KLK6: variants seen among roughly 807,000 people sequenced by gnomAD.
KLK6 encodes the protein kallikrein-6.
A neutral mutation model predicts 21.7 loss-of-function variants in KLK6; 16 were observed. The ratio of observed to expected loss-of-function variants is 0.74; its 90% CI spans 0.50 to 1.12. The LOEUF (loss-of-function observed/expected upper bound fraction) is 1.12, where lower values mean the gene tolerates loss of function less well. Ranked by LOEUF, KLK6 falls within the 50% of genes most tolerant of loss-of-function variation. KLK6 has a pLI of 0.00. For synonymous variants in KLK6, 116 were observed against 120.1 expected (o/e 0.97, Z 0.22); for missense variants, 276 against 304.6 (o/e 0.91, Z 0.70).
At position 50,968,886 on chromosome 19, in the gene KLK6, C is replaced by T. The variant is rs551206066; in HGVS notation, c.-59-295G>A. 17 of 153,892 alleles carry T rather than the reference C, an allele frequency of 1.1e-4. No homozygotes were observed. In the South Asian group the frequency reaches 1.5e-3, roughly 14 times the overall value. The allele number at this position is 153,892 out of a possible 1,614,324, so 9.5% of individuals were successfully genotyped here. ...CCCACACACATTCCTCCCGCCCCCA[C>T]GCTCTGCTCTTGGTGACCCCTGACC... On this transcript the variant is annotated intron_variant, in intron 1 of 6. Transcript: ENST00000310157.
chr19:50,965,346 G>A (rs542446307), intron 4 of KLK6, among the ~76,000 whole-genome samples: 7 of 151,158 alleles, frequency 4.6e-5, no homozygotes, highest in South Asian at 4.2e-4. Flanking sequence ...GTGCAGTGGC[G>A]CGATCTCGGC....
chr19:50,968,290 AG>A, intron 2 of KLK6, 178 bp from the exon 3 acceptor site: 1 of 662,888 alleles, frequency 1.5e-6, no homozygotes, highest in Non-Finnish European at 2.8e-6. Context: ...CTTCCATCAG[AG>A]GATCCCACGA....
At chr19:50,968,291 G>A in intron 2 of KLK6, 179 bp from the exon 3 acceptor site, 1 of 660,676 alleles carries the variant, frequency 1.5e-6, no homozygotes, top group Non-Finnish European at 2.8e-6. Flanking sequence ...TTCCATCAGA[G>A]GATCCCACGA....
At chr19:50,962,263 C>T (rs1028008449) in intron 5 of KLK6, 3 of 187,116 alleles carry the variant, frequency 1.6e-5, no homozygotes, top group African/African-American at 7.1e-5. Flanking sequence ...TCTACTGTAC[C>T]CCTCCTGATC....
At position 50,963,502 on chromosome 19, in the gene KLK6, C is replaced by A. The variant is rs1408765105; in HGVS notation, c.245G>T (p.Ser82Ile). The part of the protein sequence containing the change: ...LGKHNLRQRE[S>I]SQEQSSVVRA... ...GACAACAGAACTCTGCTCCTGGGAA[C>A]TCTCCCTTTGCCGAAGGTTATGCTT... The change falls in exon 5 of 7, where the codon AGT becomes ATT. Residue 82 changes from serine (S) to isoleucine (I), a missense_variant. Coordinates refer to ENST00000310157, the MANE Select transcript of KLK6 (RefSeq NM_002774.4). The A allele has an allele frequency of 6.2e-7, 1 of 1,614,178 alleles. No homozygotes were observed. Among genetic ancestry groups the A allele is most frequent in the South Asian group, 1.1e-5 (1 of 91,076 alleles).
rs1329973433 is a variant in KLK6 at position 50,968,090 on chromosome 19, C to T, written c.15G>A (p.Met5Ile). MKKL[M>I]VVLSLIAAAW... ...CTGCAGCAATCAGACTCAGCACCAC[C>T]ATCAGCTTCTTCATGGCCGCTCCTG... The change falls in exon 3 of 7, where the codon ATG (methionine) becomes ATA (isoleucine). Residue 5 changes from methionine (M) to isoleucine (I), a missense_variant. By Grantham distance (10) the Met-to-Ile change is conservative (BLOSUM62 1). Transcript: ENST00000310157. 2.5e-6 allele frequency: 4 copies of T among 1,614,032 alleles called. No homozygotes were observed. In the East Asian group the frequency reaches 8.9e-5, roughly 36 times the overall value.
At chr19:50,959,920 A>G (rs1471098716) in intron 6 of KLK6, among the ~76,000 whole-genome samples, 1 of 51,398 alleles carries the variant, frequency 1.9e-5, no homozygotes, top group African/African-American at 8.8e-5. Context: ...AGAGGAGGAG[A>G]AGAGGAGGAA....
chr19:50,966,368 C>G (rs528522904), intron 4 of KLK6, among the ~76,000 whole-genome samples: 1 of 152,196 alleles, frequency 6.6e-6, no homozygotes, highest in Non-Finnish European at 1.5e-5. Context: ...ATTCAACATC[C>G]CTCCATCCCC....
At chr19:50,963,919 A>G (rs2090885345) in intron 4 of KLK6, among the ~76,000 whole-genome samples, 1 of 152,042 alleles carries the variant, frequency 6.6e-6, no homozygotes, top group Non-Finnish European at 1.5e-5. Flanking sequence ...TCCATCCTCC[A>G]CAAAGCAACC....
chr19:50,964,284 A>G (rs1384172112), intron 4 of KLK6, among the ~76,000 whole-genome samples: 1 of 152,168 alleles, frequency 6.6e-6, no homozygotes, highest in East Asian at 1.9e-4. Flanking sequence ...TAGTTGCCCA[A>G]TTAAAATACA....
At chr19:50,966,773 C>G (rs979890417) in intron 4 of KLK6, among the ~76,000 whole-genome samples, 3 of 152,134 alleles carry the variant, frequency 2.0e-5, no homozygotes, top group Admixed American at 2.0e-4. Context: ...TACACTCCAG[C>G]CTGGGTGACA....
At position 50,963,316 on chromosome 19, in the gene KLK6, C is replaced by T; in HGVS notation, c.431G>A (p.Gly144Asp). The T allele has an allele frequency of 1.2e-6, 2 of 1,613,598 alleles. No homozygotes were observed. Among genetic ancestry groups the T allele is most frequent in the South Asian group, 2.2e-5 (2 of 91,042 alleles). Residue 144 changes from glycine (G) to aspartate (D), a missense_variant, in exon 5 of 7, where the codon GGC becomes GAC. Coordinates refer to ENST00000310157, the MANE Select transcript of KLK6 (RefSeq NM_002774.4). ...CCACTACTGACCATCTGCTGTCTTG[C>T]CCCAGCCCAGGATGTGGCAGCTGGT... The part of the protein sequence containing the change: ...NTTSCHILGW[G>D]KTADGDFPDT...
chr19:50,961,460 C>T (rs2090838720), intron 6 of KLK6, among the ~76,000 whole-genome samples: 1 of 152,282 alleles, frequency 6.6e-6, no homozygotes, highest in African/African-American at 2.4e-5. Flanking sequence ...GCATGAGCCG[C>T]TGCTCCTGGC....
intron 5 of KLK6, 121 bp from the exon 6 acceptor site, chr19:50,962,001 C>T: frequency 1.9e-6 from 2 of 1,059,858 alleles, no homozygotes; most frequent in Non-Finnish European, 2.6e-6. Context: ...CTATTGGCAC[C>T]CCTCTTCCTG....
chr19:50,966,815 C>T (rs944708010), intron 4 of KLK6, among the ~76,000 whole-genome samples: 2 of 152,000 alleles, frequency 1.3e-5, no homozygotes, highest in African/African-American at 4.8e-5. Flanking sequence ...AACAAACAAA[C>T]AACAAAAACA....
At chr19:50,968,335 A>T (rs1374396180) in intron 2 of KLK6, 1 of 603,944 alleles carries the variant, frequency 1.7e-6, no homozygotes, top group Non-Finnish European at 3.0e-6. Flanking sequence ...AACTACGTCC[A>T]CTGGTCCAGT....
At chr19:50,967,926 T>A in intron 3 of KLK6, 139 bp downstream of exon 3, 1 of 399,816 alleles carries the variant, frequency 2.5e-6, no homozygotes, top group Non-Finnish European at 4.9e-6. Context: ...ACCCTTAGCC[T>A]AATCCCCAAC....
intron 1 of KLK6, chr19:50,969,092 G>A (rs1408632347): frequency 6.3e-6 from 1 of 158,556 alleles, no homozygotes; most frequent in African/African-American, 2.4e-5. Flanking sequence ...TCTGAGGGAG[G>A]AGGTGAGAAC....
chr19:50,964,250 G>A (rs1262009392), intron 4 of KLK6, among the ~76,000 whole-genome samples: 1 of 152,024 alleles, frequency 6.6e-6, no homozygotes, highest in African/African-American at 2.4e-5. Context: ...TCCTTTAAAT[G>A]TCGCCTCTCA....
Sources: gnomAD v4.1 joint callset for allele counts (sites outside exome capture counted in the v4.1 genomes callset) on GRCh38, gnomAD v4.1.1 for gene constraint, MANE v1.5 for transcripts, NCBI Gene and HGNC (gene_info 2026-07-23, HGNC 2026-07-21) for gene names.